SNTG1: variants seen among roughly 807,000 people sequenced by gnomAD.
SNTG1 encodes gamma-1-syntrophin.
SNTG1 carries 39 observed loss-of-function variants against 74.7 expected under a neutral mutation model. The ratio of observed to expected loss-of-function variants is 0.52; its 90% CI spans 0.40 to 0.68. The LOEUF (loss-of-function observed/expected upper bound fraction) is 0.68. SNTG1 is among the 30% of genes least tolerant of loss of function. The probability of loss-of-function intolerance (pLI) is 0.00; values close to 1 mark genes in which losing one functional copy is unlikely to be tolerated. For synonymous variants in SNTG1, 254 were observed against 217.1 expected, an observed-to-expected ratio of 1.17 and a Z score of -1.49; for missense variants, 685 against 609.5, an observed-to-expected ratio of 1.12 and a Z score of -1.30.
At chr8:49,921,261 A>G (rs1368408011) in intron 1 of SNTG1, among the ~76,000 whole-genome samples, 1 of 152,132 alleles carries the variant, frequency 6.6e-6, no homozygotes, top group Admixed American at 6.6e-5. Context: ...AGTGTAGGGG[A>G]AAGGTATAAA....
In SNTG1 at chr8:50,676,231, A is replaced by T. The variant is rs1399116615; in HGVS notation, c.1038+17568A>T. Among the ~76,000 whole-genome samples the T allele has an allele frequency of 2.6e-5, 4 of 151,986 alleles. No homozygotes were observed. The South Asian group carries it at 8.3e-4, about 31-fold the overall frequency. On this transcript the variant is annotated intron_variant, in intron 15 of 18. Transcript: ENST00000642720. ...GATATTATCTTGAAGTGTGTTTTTC[A>T]GCTTGTTTCCATTCTCCCTGTCTCC...
chr8:50,745,660 G>T (rs1424612586), intron 17 of SNTG1, among the ~76,000 whole-genome samples: 1 of 152,006 alleles, frequency 6.6e-6, no homozygotes, highest in Non-Finnish European at 1.5e-5. Flanking sequence ...CAACTCAAGT[G>T]TCGGTCGATA....
chr8:50,304,553 A>C (rs1341034695), intron 2 of SNTG1, among the ~76,000 whole-genome samples: 1 of 152,208 alleles, frequency 6.6e-6, no homozygotes, highest in Non-Finnish European at 1.5e-5. Context: ...GTGGAGGCAA[A>C]GATATGACAG....
chr8:50,698,063 G>A (rs1357774896), intron 15 of SNTG1, among the ~76,000 whole-genome samples: 1 of 151,938 alleles, frequency 6.6e-6, no homozygotes, highest in Non-Finnish European at 1.5e-5. Context: ...TCTGTTCCTG[G>A]GATTTTCTTT....
At chr8:50,698,483 G>A (rs1448704954) in intron 15 of SNTG1, among the ~76,000 whole-genome samples, 1 of 152,130 alleles carries the variant, frequency 6.6e-6, no homozygotes, top group East Asian at 1.9e-4. Context: ...GTGGGGGAAG[G>A]GGGTGAAGTG....
chr8:50,559,912 G>T (rs1455475800), intron 12 of SNTG1, among the ~76,000 whole-genome samples: 1 of 152,094 alleles, frequency 6.6e-6, no homozygotes, highest in Non-Finnish European at 1.5e-5. Flanking sequence ...CACAGCAAAA[G>T]AAATTATCCT....
chr8:50,713,779 G>T (rs1290247513), intron 17 of SNTG1, among the ~76,000 whole-genome samples: 1 of 152,046 alleles, frequency 6.6e-6, no homozygotes, highest in African/African-American at 2.4e-5. Context: ...GGGAATCCTG[G>T]CTGGGTGTGG....
chr8:50,007,748 G>A (rs1815378161), intron 1 of SNTG1, among the ~76,000 whole-genome samples: 1 of 152,088 alleles, frequency 6.6e-6, no homozygotes, highest in Non-Finnish European at 1.5e-5. Flanking sequence ...AATGAATTTA[G>A]AGGAAAGAGA....
chr8:50,501,282 G>A (rs1402045679), intron 8 of SNTG1, among the ~76,000 whole-genome samples: 1 of 151,930 alleles, frequency 6.6e-6, no homozygotes, highest in African/African-American at 2.4e-5. Context: ...CGGCCTCTGT[G>A]CTGTCCAGTG....
chr8:50,724,492 T>C (rs2095495313), intron 17 of SNTG1, among the ~76,000 whole-genome samples: 1 of 152,178 alleles, frequency 6.6e-6, no homozygotes, highest in African/African-American at 2.4e-5. Context: ...GTAAGATTAT[T>C]TTGTCAAGCA....
At chr8:50,447,785 C>G (rs1456225646) in intron 5 of SNTG1, among the ~76,000 whole-genome samples, 1 of 152,150 alleles carries the variant, frequency 6.6e-6, no homozygotes, top group African/African-American at 2.4e-5. Flanking sequence ...ATGTTAGACA[C>G]TGATAACTGT....
chr8:50,649,828 T>C (rs1054516829), intron 13 of SNTG1, among the ~76,000 whole-genome samples: 1 of 151,940 alleles, frequency 6.6e-6, no homozygotes, highest in African/African-American at 2.4e-5. Context: ...GGTTACTCAG[T>C]AATATAATTT....
chr8:50,385,642 A>T (rs189548784), intron 2 of SNTG1, among the ~76,000 whole-genome samples: 1 of 152,310 alleles, frequency 6.6e-6, no homozygotes, highest in Admixed American at 6.5e-5. Flanking sequence ...AGGGCTGAAG[A>T]TTGATACATC....
chr8:50,423,699 G>A (rs1445278514), intron 4 of SNTG1, among the ~76,000 whole-genome samples: 2 of 152,116 alleles, frequency 1.3e-5, no homozygotes, highest in Non-Finnish European at 2.9e-5. Flanking sequence ...CTCAGTACAT[G>A]AAATGACTCT....
chr8:50,766,098 T>A (rs921118740), intron 18 of SNTG1, among the ~76,000 whole-genome samples: 3 of 151,974 alleles, frequency 2.0e-5, no homozygotes, highest in African/African-American at 7.2e-5. Flanking sequence ...CCCAGGACAG[T>A]TTGTTCTGGT....
intron 1 of SNTG1, among the ~76,000 whole-genome samples, chr8:50,129,084 C>A (rs1349190676): frequency 6.6e-6 from 1 of 151,950 alleles, no homozygotes; most frequent in Non-Finnish European, 1.5e-5. Flanking sequence ...TTGCATATAT[C>A]TTAACTGATA....
intron 1 of SNTG1, among the ~76,000 whole-genome samples, chr8:50,066,146 C>T (rs203945): frequency 0.54 from 81,175 of 151,710 alleles, 24,200 homozygotes; most frequent in East Asian, 0.84. Flanking sequence ...ACCTGGGAGG[C>T]GGAGGTTGCG....
chr8:50,754,976 A>G (rs1301016005), intron 18 of SNTG1, among the ~76,000 whole-genome samples: 1 of 151,760 alleles, frequency 6.6e-6, no homozygotes, highest in Non-Finnish European at 1.5e-5. Context: ...TTCAGTTCAC[A>G]GCAAAGTTGA....
chr8:50,257,608 T>C (rs767104176), intron 2 of SNTG1, among the ~76,000 whole-genome samples: 1 of 152,208 alleles, frequency 6.6e-6, no homozygotes, highest in African/African-American at 2.4e-5. Flanking sequence ...TGAGATTCAA[T>C]CTTTTTGAAT....
Sources: allele counts gnomAD v4.1 joint callset (sites outside exome capture counted in the v4.1 genomes callset), GRCh38; gene constraint gnomAD v4.1.1; transcripts MANE v1.5; gene names NCBI Gene and HGNC (gene_info 2026-07-23, HGNC 2026-07-21).